Variants in TTC21B observed in about 807,000 individuals in gnomAD.
TTC21B encodes tetratricopeptide repeat domain 21B.
A neutral mutation model predicts 175.1 loss-of-function variants in TTC21B; 127 were observed. The ratio of observed to expected loss-of-function variants is 0.73; its 90% CI spans 0.63 to 0.84. The LOEUF (loss-of-function observed/expected upper bound fraction) is 0.84, where lower values mean the gene tolerates loss of function less well. Among genes scored for constraint, TTC21B ranks in the 40% least tolerant of loss-of-function variants. The pLI is 0.00. For synonymous variants in TTC21B, 524 were observed against 524.5 expected (o/e 1.00, Z 0.01); for missense variants, 1,561 against 1,558.3 (o/e 1.00, Z -0.03).
chr2:165,884,632 T>C (rs1244356111), intron 25 of TTC21B, among the ~76,000 whole-genome samples: 2 of 152,228 alleles, frequency 1.3e-5, no homozygotes, highest in East Asian at 1.9e-4. Context: ...CCTTAAAATA[T>C]GCTTTTAGAT....
chr2:165,903,405 G>A (rs1004631021), intron 19 of TTC21B, among the ~76,000 whole-genome samples: 1 of 152,108 alleles, frequency 6.6e-6, no homozygotes, highest in Non-Finnish European at 1.5e-5. Context: ...ATATACAACA[G>A]GTAAGCCTGT....
chr2:165,884,318 C>T (rs898666243), intron 25 of TTC21B, among the ~76,000 whole-genome samples: 7 of 152,166 alleles, frequency 4.6e-5, no homozygotes, highest in African/African-American at 1.7e-4. Context: ...TTCAAACAGT[C>T]ATGTTTTAGT....
intron 7 of TTC21B, among the ~76,000 whole-genome samples, chr2:165,932,333 A>G (rs62177817): frequency 0.31 from 46,874 of 151,948 alleles, 7,850 homozygotes; most frequent in Non-Finnish European, 0.39. Flanking sequence ...TTTACTGAAG[A>G]TTTACCCCTA....
intron 17 of TTC21B, among the ~76,000 whole-genome samples, chr2:165,912,021 T>C (rs1685969357): frequency 6.6e-6 from 1 of 152,230 alleles, no homozygotes; most frequent in South Asian, 2.1e-4. Context: ...CAAAGAATAT[T>C]TTTTACAGGT....
At chr2:165,920,660 GA>G (rs1375535651) in intron 12 of TTC21B, among the ~76,000 whole-genome samples, 1 of 149,184 alleles carries the variant, frequency 6.7e-6, no homozygotes, top group Non-Finnish European at 1.5e-5. Flanking sequence ...CTAAGAGAAT[GA>G]AGAAAATGAG....
At chr2:165,892,118 T>C (rs367908325) in intron 22 of TTC21B, among the ~76,000 whole-genome samples, 4 of 152,154 alleles carry the variant, frequency 2.6e-5, no homozygotes, top group African/African-American at 7.2e-5. Flanking sequence ...ATTCACATTA[T>C]TTATTTCTTT....
intron 22 of TTC21B, among the ~76,000 whole-genome samples, chr2:165,891,797 GA>G (rs1448565173): frequency 1.9e-4 from 1 of 5,152 alleles, no homozygotes; most frequent in Non-Finnish European, 2.2e-3. Context: ...TAAAAAGTAT[GA>G]AGAAAAAAAA....
At chr2:165,922,590 G>A (rs952503124) in intron 12 of TTC21B, among the ~76,000 whole-genome samples, 7 of 136,366 alleles carry the variant, frequency 5.1e-5, no homozygotes, top group African/African-American at 1.9e-4. Context: ...AAAAAAAGAC[G>A]TTGGCATGGA....
At chr2:165,927,284 ATCCTAGTAGTTATATATATATAT>A (rs1686700266) in intron 11 of TTC21B, among the ~76,000 whole-genome samples, 1 of 51,830 alleles carries the variant, frequency 1.9e-5, no homozygotes, top group East Asian at 7.1e-4. Context: ...ATATATATAT[ATCCTAGTAGTTATATATATATAT>A]TATATATTAT....
chr2:165,876,264 T>C (rs769180197), intron 27 of TTC21B, 32 bp from the exon 28 acceptor site: 1 of 1,264,688 alleles, frequency 7.9e-7, no homozygotes, highest in South Asian at 1.2e-5. Flanking sequence ...AACAGAATGA[T>C]GGAGTACACT....
At chr2:165,910,685 A>G (rs901648398) in intron 18 of TTC21B, among the ~76,000 whole-genome samples, 1 of 152,174 alleles carries the variant, frequency 6.6e-6, no homozygotes, top group Non-Finnish European at 1.5e-5. Context: ...AATAATATGA[A>G]TAAAATTTCC....
At chr2:165,930,445 T>C (rs1686846554) in intron 8 of TTC21B, 81 bp from the exon 9 acceptor site, 1 of 1,066,622 alleles carries the variant, frequency 9.4e-7, no homozygotes, top group African/African-American at 1.6e-5. Context: ...TCTAAATATA[T>C]ATATTATTTG....
At position 165,915,293 on chromosome 2, in the gene TTC21B, G is replaced by A. The variant is rs766532748; in HGVS notation, c.2046C>T (p.Ala682=). 16 of 1,613,778 alleles carry A rather than the reference G, an allele frequency of 9.9e-6. No homozygotes were observed. The highest frequency in any genetic ancestry group is 2.7e-5 in the African/African-American group (2 of 74,842). ...RALSILQNVT[A]EQPYFIEARE... ...TGGCCTCTATAAAATAAGGCTGTTC[G>A]GCTGTAACATTCTGAAGGATGCTTA... The change falls in exon 15 of 29, where the codon GCC becomes GCT. Residue 682 remains alanine (A), a synonymous_variant. Transcript: ENST00000243344.
intron 27 of TTC21B, among the ~76,000 whole-genome samples, chr2:165,878,460 T>C (rs2105278323): frequency 6.6e-6 from 1 of 152,210 alleles, no homozygotes; most frequent in South Asian, 2.1e-4. Context: ...TGGATCTCAG[T>C]TGTTCCTAGT....
intron 11 of TTC21B, among the ~76,000 whole-genome samples, chr2:165,926,724 A>C (rs2105338372): frequency 6.6e-6 from 1 of 152,072 alleles, no homozygotes; most frequent in South Asian, 2.1e-4. Context: ...GGCACTGTCT[A>C]ATCAGCTGCC....
At chr2:165,946,010 A>G (rs955879691) in intron 3 of TTC21B, among the ~76,000 whole-genome samples, 45 of 152,156 alleles carry the variant, frequency 3.0e-4, no homozygotes, top group Non-Finnish European at 1.6e-4. Flanking sequence ...GTATTTCATA[A>G]TAACAGCACA....
At chr2:165,907,359 AAAG>A (rs779837778) in intron 19 of TTC21B, among the ~76,000 whole-genome samples, 21 of 152,154 alleles carry the variant, frequency 1.4e-4, no homozygotes, top group Admixed American at 2.6e-4. Flanking sequence ...TTAAGAGAAA[AAAG>A]AAGATCTAAA....
chr2:165,920,448 C>T (rs908291226), intron 12 of TTC21B, among the ~76,000 whole-genome samples: 2 of 152,040 alleles, frequency 1.3e-5, no homozygotes, highest in South Asian at 2.1e-4. Context: ...AGCAATCAAC[C>T]GTCAAGCATA....
intron 22 of TTC21B, among the ~76,000 whole-genome samples, chr2:165,892,595 T>C (rs1036218617): frequency 2.6e-5 from 4 of 152,216 alleles, no homozygotes; most frequent in Non-Finnish European, 2.9e-5. Flanking sequence ...GAAGACATTA[T>C]ACCAAGTGAA....
Sources: gnomAD v4.1 joint callset for allele counts (sites outside exome capture counted in the v4.1 genomes callset) on GRCh38, gnomAD v4.1.1 for gene constraint, MANE v1.5 for transcripts, NCBI Gene and HGNC (gene_info 2026-07-23, HGNC 2026-07-21) for gene names.